NTM: variants seen among roughly 807,000 people sequenced by gnomAD.
NTM encodes neurotrimin.
Under a neutral mutation model 42.1 loss-of-function variants are expected in NTM, and 13 were observed. That is an observed-to-expected ratio of 0.31 (90% CI 0.20 to 0.49). The LOEUF is 0.49. Among genes scored for constraint, NTM ranks in the 20% least tolerant of loss-of-function variants. The probability of loss-of-function intolerance (pLI) is 0.99; values close to 1 mark genes in which losing one functional copy is unlikely to be tolerated. For synonymous variants in NTM, 187 were observed against 179.2 expected (o/e 1.04, Z -0.35); for missense variants, 373 against 452.8 (o/e 0.82, Z 1.60).
intron 1 of NTM, among the ~76,000 whole-genome samples, chr11:131,653,732 C>A (rs1050874185): frequency 3.8e-4 from 58 of 152,176 alleles, no homozygotes; most frequent in African/African-American, 1.2e-3. Context: ...CAGGTGGGGA[C>A]CACACCAAAG....
chr11:131,969,325 G>A (rs897856819), intron 2 of NTM, among the ~76,000 whole-genome samples: 3 of 152,146 alleles, frequency 2.0e-5, no homozygotes, highest in African/African-American at 7.2e-5. Flanking sequence ...TCGAAGACAG[G>A]TCACATTCTC....
chr11:132,015,161 A>G (rs1456434263), intron 2 of NTM, among the ~76,000 whole-genome samples: 5 of 151,794 alleles, frequency 3.3e-5, no homozygotes, highest in African/African-American at 9.7e-5. Context: ...TCTTTCTCCA[A>G]TGTATGTTTG....
intron 1 of NTM, among the ~76,000 whole-genome samples, chr11:131,762,820 A>T (rs900024385): frequency 2.6e-5 from 4 of 152,080 alleles, no homozygotes; most frequent in Non-Finnish European, 5.9e-5. Context: ...GCTTCCTTGA[A>T]ATGTGAATCA....
At chr11:131,889,061 G>A (rs2050846005) in intron 1 of NTM, among the ~76,000 whole-genome samples, 1 of 152,070 alleles carries the variant, frequency 6.6e-6, no homozygotes, top group South Asian at 2.1e-4. Context: ...CAAAGGGAGC[G>A]TCCGGATTTT....
chr11:131,592,920 G>A (rs1321981674), intron 1 of NTM, among the ~76,000 whole-genome samples: 2 of 152,170 alleles, frequency 1.3e-5, no homozygotes, highest in Non-Finnish European at 1.5e-5. Flanking sequence ...CTCCGGCCAC[G>A]TCTGGCAGCT....
intron 1 of NTM, among the ~76,000 whole-genome samples, chr11:131,574,312 T>G (rs1410226911): frequency 6.6e-6 from 1 of 152,176 alleles, no homozygotes; most frequent in African/African-American, 2.4e-5. Flanking sequence ...GCCCTGAGTG[T>G]CCACAAGCCC....
intron 2 of NTM, among the ~76,000 whole-genome samples, chr11:132,015,134 A>T (rs566744): frequency 0.88 from 134,064 of 151,990 alleles, 59,229 homozygotes; most frequent in East Asian, 1. Context: ...TTCAGCACCA[A>T]TTATTGAACA....
intron 1 of NTM, among the ~76,000 whole-genome samples, chr11:131,706,877 A>G (rs2076643722): frequency 6.6e-6 from 1 of 152,076 alleles, no homozygotes; most frequent in Non-Finnish European, 1.5e-5. Context: ...CATAATAATT[A>G]TATACATTTA....
At chr11:131,445,945 C>A (rs1234877236) in intron 1 of NTM, among the ~76,000 whole-genome samples, 2 of 152,158 alleles carry the variant, frequency 1.3e-5, no homozygotes, top group Non-Finnish European at 2.9e-5. Context: ...GTAATTGTGA[C>A]AAAGACTTGA....
intron 1 of NTM, among the ~76,000 whole-genome samples, chr11:131,848,472 C>T (rs1789144): frequency 6.6e-6 from 1 of 152,146 alleles, no homozygotes; most frequent in Non-Finnish European, 1.5e-5. Context: ...CATTCAGCTG[C>T]CTGCCAGGCT....
At position 131,859,713 on chromosome 11, in the gene NTM, A is replaced by T. The variant is rs1040916186; in HGVS notation, c.83-51851A>T. Among the ~76,000 whole-genome samples the T allele has an allele frequency of 5.9e-5, 9 of 152,306 alleles. 1 individual carries two copies. The highest frequency in any genetic ancestry group is 5.9e-4 in the Admixed American group (9 of 15,298). ...TCTAGTGCATCCCATGGTGAATGCT[A>T]GCTGAAATCAACATATGTAAAAGGC... On this transcript the variant is annotated intron_variant, in intron 1 of 8. Coordinates refer to ENST00000683400, the MANE Select transcript of NTM (RefSeq NM_001352005.2).
At chr11:131,985,907 G>A (rs1014210058) in intron 2 of NTM, among the ~76,000 whole-genome samples, 6 of 152,216 alleles carry the variant, frequency 3.9e-5, no homozygotes, top group African/African-American at 9.6e-5. Context: ...ACAGCACATA[G>A]TGAGTGTTCC....
chr11:131,421,749 G>C (rs1314867031), intron 1 of NTM, among the ~76,000 whole-genome samples: 1 of 152,128 alleles, frequency 6.6e-6, no homozygotes, highest in Non-Finnish European at 1.5e-5. Context: ...TCTTTATTAA[G>C]AACTACCCAC....
chr11:131,953,122 G>T (rs2061197252), intron 2 of NTM, among the ~76,000 whole-genome samples: 1 of 152,186 alleles, frequency 6.6e-6, no homozygotes, highest in Non-Finnish European at 1.5e-5. Context: ...GGACAAGCAT[G>T]GGGTAGGTAA....
chr11:131,649,654 A>G (rs1276991158), intron 1 of NTM, among the ~76,000 whole-genome samples: 1 of 152,146 alleles, frequency 6.6e-6, no homozygotes, highest in Non-Finnish European at 1.5e-5. Context: ...TAAACTCTGT[A>G]TGTGTGTGTT....
intron 2 of NTM, among the ~76,000 whole-genome samples, chr11:132,137,383 T>C (rs891532039): frequency 2.0e-5 from 3 of 152,246 alleles, no homozygotes; most frequent in Admixed American, 2.0e-4. Flanking sequence ...AGCTCAAGTG[T>C]GCTACCATCT....
intron 1 of NTM, among the ~76,000 whole-genome samples, chr11:131,633,600 C>A (rs1187354028): frequency 2.1e-5 from 2 of 93,578 alleles, no homozygotes; most frequent in East Asian, 3.4e-4. Context: ...TCTCTCACTC[C>A]CTCCCTCTCT....
chr11:132,282,993 T>A (rs1173044639), intron 4 of NTM, among the ~76,000 whole-genome samples: 2 of 136,758 alleles, frequency 1.5e-5, no homozygotes, highest in African/African-American at 5.3e-5. Flanking sequence ...TTTTTTTTTT[T>A]TTTTTTTTAT....
Position 132,220,556 on chromosome 11 carries a change from T to C in NTM, c.526+8409T>C, listed in dbSNP as rs576223296. On this transcript the variant is annotated intron_variant, in intron 4 of 8. Coordinates refer to ENST00000683400, the MANE Select transcript of NTM (RefSeq NM_001352005.2). ...TTCAATGTGCTGAATTGAGAACATA[T>C]GAAATCAAGCCTCATTCTAGAAACC... Among the ~76,000 whole-genome samples, 7 of 152,314 alleles carry C rather than the reference T, an allele frequency of 4.6e-5. No homozygotes were observed. The South Asian group carries it at 1.4e-3, about 32-fold the overall frequency.
Sources: allele counts gnomAD v4.1 joint callset (sites outside exome capture counted in the v4.1 genomes callset), GRCh38; gene constraint gnomAD v4.1.1; transcripts MANE v1.5; gene names NCBI Gene and HGNC (gene_info 2026-07-23, HGNC 2026-07-21).